Variants in MYOZ3 observed in about 807,000 individuals in gnomAD.
MYOZ3 encodes the protein myozenin-3.
In MYOZ3, 19 loss-of-function variants were observed where a neutral mutation model predicts 26.5. That is an observed-to-expected ratio of 0.72 (90% confidence interval 0.50 to 1.05). MYOZ3 has a LOEUF of 1.05. Ranked by LOEUF, MYOZ3 falls within the 50% of genes least tolerant of loss-of-function variation. The pLI, the probability that MYOZ3 is intolerant of heterozygous loss-of-function variation, is 0.00. For synonymous variants in MYOZ3, 135 were observed against 138.8 expected (o/e 0.97, Z 0.19); for missense variants, 322 against 337.1 (o/e 0.96, Z 0.35).
At chr5:150,671,715 A>G in intron 4 of MYOZ3, 40 bp from the exon 5 acceptor site, 4 of 1,613,130 alleles carry the variant, frequency 2.5e-6, no homozygotes, top group Non-Finnish European at 3.4e-6. Context: ...TGGGGGCGGG[A>G]GGTCGTCGGT....
intron 2 of MYOZ3, among the ~76,000 whole-genome samples, chr5:150,665,364 T>C (rs1758792272): frequency 6.6e-6 from 1 of 152,208 alleles, no homozygotes; most frequent in African/African-American, 2.4e-5. Context: ...AAGGGCGCTG[T>C]GGAGCATCCA....
In MYOZ3 at chr5:150,676,982, C is replaced by T. The variant is rs1759021389; in HGVS notation, c.*107C>T. 49 of 1,175,630 alleles carry T rather than the reference C, an allele frequency of 4.2e-5. No individual in the cohort carries two copies. The South Asian group carries it at 6.4e-4, about 15-fold the overall frequency. 72.8% of individuals were successfully genotyped at this position (1,175,630 alleles called of 1,614,324 possible). On this transcript the variant is annotated 3_prime_UTR_variant, in exon 7 of 7. Coordinates refer to ENST00000517768, the MANE Select transcript of MYOZ3 (RefSeq NM_001122853.3). ...TGAAGAAGGGCCTTCACACACAAAA[C>T]CTGATTGCAAATGGCTTCAGAGGTC...
rs757943119 is a variant in MYOZ3, at chr5:150,676,911, G to T, written c.*36G>T. Reference sequence around the variant, plus strand: ...AATCTTCAGTTCCCCAGTCTCGGGGGCCTGGTAACATCCGGAGCCAAGACT... The same window carrying T: ...AATCTTCAGTTCCCCAGTCTCGGGGTCCTGGTAACATCCGGAGCCAAGACT... On this transcript the variant is annotated 3_prime_UTR_variant, in exon 7 of 7. Coordinates refer to ENST00000517768, the MANE Select transcript of MYOZ3 (RefSeq NM_001122853.3). The T allele has an allele frequency of 6.3e-7, 1 of 1,578,280 alleles. No individual in the cohort carries two copies. The highest frequency in any genetic ancestry group is 1.7e-5 in the Admixed American group (1 of 57,664).
intron 2 of MYOZ3, among the ~76,000 whole-genome samples, chr5:150,664,035 AGTCAGAGTTCTCAAGCTTTATT>A (rs1280266893): frequency 1.3e-5 from 2 of 152,030 alleles, no homozygotes; most frequent in Admixed American, 1.3e-4. Flanking sequence ...AATTCAACTA[AGTCAGAGTTCTCAAGCTTTATT>A]GTGAATCATA....
chr5:150,669,146 T>A, intron 2 of MYOZ3: 1 of 142,460 alleles, frequency 7.0e-6, no homozygotes, highest in Non-Finnish European at 1.5e-5. Flanking sequence ...AAGATCTTGA[T>A]AAAACAAGTT....
At chr5:150,675,493 C>A (rs1329072684) in intron 6 of MYOZ3, among the ~76,000 whole-genome samples, 3 of 152,108 alleles carry the variant, frequency 2.0e-5, no homozygotes, top group Admixed American at 2.0e-4. Context: ...CTGCCTCAGC[C>A]TCCCAGGTAG....
chr5:150,674,389 T>G (rs944772677), intron 6 of MYOZ3, among the ~76,000 whole-genome samples: 4 of 152,230 alleles, frequency 2.6e-5, no homozygotes, highest in Non-Finnish European at 4.4e-5. Context: ...AGACCTCTTC[T>G]GAGGGAGAAA....
chr5:150,670,350 A>G, intron 2 of MYOZ3, 134 bp from the exon 3 acceptor site: 3 of 1,028,374 alleles, frequency 2.9e-6, no homozygotes, highest in Non-Finnish European at 3.9e-6. Context: ...ATTTCAAACA[A>G]TCATGACACC....
chr5:150,672,539 A>G (rs1313779756), intron 6 of MYOZ3, 37 bp downstream of exon 6: 1 of 1,383,734 alleles, frequency 7.2e-7, no homozygotes. Flanking sequence ...ACAGACCGGG[A>G]GGGGCGGGAA....
In MYOZ3 at chr5:150,672,444, TACCAGAGCG is replaced by T. The variant is rs1308439610; in HGVS notation, c.531_539del (p.Gln178_Asp180del). 6.2e-7 allele frequency: 1 copy of T among 1,610,428 alleles called. No homozygotes were observed. The highest frequency in any genetic ancestry group is 8.5e-7 in the Non-Finnish European group (1 of 1,178,154). On this transcript the variant is annotated inframe_deletion, in exon 6 of 7. Transcript: ENST00000517768. Reference sequence around the variant, plus strand: ...GCAGGAGTTCGTCAGCTACCGGGACTACCAGAGCGATGGCCGAAGTCACACCCCCAGCCC... The same window carrying T: ...GCAGGAGTTCGTCAGCTACCGGGACTATGGCCGAAGTCACACCCCCAGCCC...
At chr5:150,669,913 C>A in intron 2 of MYOZ3, 1 of 152,278 alleles carries the variant, frequency 6.6e-6, no homozygotes, top group Non-Finnish European at 1.5e-5. Context: ...TCCCAAAGTG[C>A]TGGGATTACA....
intron 2 of MYOZ3, among the ~76,000 whole-genome samples, chr5:150,666,030 G>A (rs1438710247): frequency 2.4e-5 from 3 of 122,638 alleles, no homozygotes; most frequent in South Asian, 2.4e-4. Context: ...AGTGAAACTC[G>A]TCTAAAAAAA....
intron 2 of MYOZ3, among the ~76,000 whole-genome samples, chr5:150,668,257 C>T (rs994526932): frequency 6.6e-6 from 1 of 152,236 alleles, no homozygotes; most frequent in Admixed American, 6.5e-5. Flanking sequence ...CACACCCAAA[C>T]ACTCCATAGA....
In MYOZ3 at chr5:150,676,992, A is replaced by C; in HGVS notation, c.*117A>C. 9.4e-7 allele frequency: 1 copy of C among 1,067,976 alleles called. No individual in the cohort carries two copies. Among genetic ancestry groups the C allele is most frequent in the East Asian group, 2.5e-5 (1 of 40,542 alleles). 66.2% of individuals were successfully genotyped at this position (1,067,976 alleles called of 1,614,324 possible). On this transcript the variant is annotated 3_prime_UTR_variant, in exon 7 of 7. Transcript: ENST00000517768. ...CCTTCACACACAAAACCTGATTGCAAATGGCTTCAGAGGTCACCAAGTTCA... is the reference window on the plus strand; with the variant it reads ...CCTTCACACACAAAACCTGATTGCACATGGCTTCAGAGGTCACCAAGTTCA...
intron 1 of MYOZ3, among the ~76,000 whole-genome samples, chr5:150,662,430 T>C (rs1477240976): frequency 6.6e-6 from 1 of 152,102 alleles, no homozygotes; most frequent in Non-Finnish European, 1.5e-5. Flanking sequence ...GCCTGTGCCC[T>C]CAAGCGTCAG....
rs1231800089 is a variant in MYOZ3, at chr5:150,679,319, A to G, written c.*2444A>G. 1 of 152,262 alleles carries G rather than the reference A, an allele frequency of 6.6e-6. No individual in the cohort carries two copies. The highest frequency in any genetic ancestry group is 1.5e-5 in the Non-Finnish European group (1 of 68,038). The allele number at this position is 152,262 out of a possible 1,614,324, so 9.4% of individuals were successfully genotyped here. A position where few individuals can be genotyped will look rare whatever the true frequency, so the allele number is the denominator to read the frequency against. Reference sequence around the variant, plus strand: ...CTTTTTCTGGTGTTGTAAAAAAGAAAAAAAAAAGAATGCTCATTGTAAAAA... The same window carrying G: ...CTTTTTCTGGTGTTGTAAAAAAGAAGAAAAAAAGAATGCTCATTGTAAAAA... On this transcript the variant is annotated 3_prime_UTR_variant, in exon 7 of 7. Coordinates refer to ENST00000517768, the MANE Select transcript of MYOZ3 (RefSeq NM_001122853.3).
Position 150,677,456 on chromosome 5 carries a change from AGT to A in MYOZ3, c.*582_*583del, listed in dbSNP as rs1759034840. ...AAAAGTAAATAAATAAATAGCAACC[AGT>A]ACTCCAGGTGATTCCAGCATAACTT... On this transcript the variant is annotated 3_prime_UTR_variant, in exon 7 of 7. Transcript: ENST00000517768. The A allele has an allele frequency of 6.5e-6, 1 of 152,868 alleles. No homozygotes were observed. Among genetic ancestry groups the A allele is most frequent in the Admixed American group, 6.5e-5 (1 of 15,354 alleles). 9.5% of individuals were successfully genotyped at this position (152,868 alleles called of 1,614,324 possible).
At chr5:150,671,394 T>C (rs1337549061) in intron 3 of MYOZ3, 1 of 607,060 alleles carries the variant, frequency 1.6e-6, no homozygotes, top group Non-Finnish European at 3.0e-6. Flanking sequence ...GACTCGGCAT[T>C]ACAATAGCAA....
chr5:150,671,511 C>T, intron 3 of MYOZ3, 86 bp from the exon 4 acceptor site: 1 of 1,456,694 alleles, frequency 6.9e-7, no homozygotes, highest in Non-Finnish European at 9.5e-7. Flanking sequence ...TTGCCTCCCC[C>T]CGACCTTTTT....
Sources: gnomAD v4.1 joint callset for allele counts (sites outside exome capture counted in the v4.1 genomes callset) on GRCh38, gnomAD v4.1.1 for gene constraint, MANE v1.5 for transcripts, NCBI Gene and HGNC (gene_info 2026-07-23, HGNC 2026-07-21) for gene names.